The following EPM2A variants were observed in gnomAD, a reference collection of about 807,000 sequenced individuals.
EPM2A encodes laforin.
In EPM2A, 21 loss-of-function variants were observed where a neutral mutation model predicts 26.5. The observed-to-expected ratio is 0.79, with a 90% CI of 0.56 to 1.14. The LOEUF (loss-of-function observed/expected upper bound fraction) is 1.14, where lower values mean the gene tolerates loss of function less well. EPM2A is among the 50% of genes most tolerant of loss of function. EPM2A has a pLI of 0.00. For synonymous variants in EPM2A, 217 were observed against 177.6 expected, an observed-to-expected ratio of 1.22 and a Z score of -1.76; for missense variants, 458 against 440.8, an observed-to-expected ratio of 1.04 and a Z score of -0.35.
intron 2 of EPM2A, among the ~76,000 whole-genome samples, chr6:145,557,944 T>C (rs941089161): frequency 6.6e-6 from 1 of 152,082 alleles, no homozygotes; most frequent in Non-Finnish European, 1.5e-5. Flanking sequence ...TGTTTTTCCA[T>C]AAGTGGTTCC....
Position 145,699,798 on chromosome 6 carries a change from G to A in EPM2A, c.302-13502C>T, listed in dbSNP as rs9497397. Among the ~76,000 whole-genome samples the A allele has an allele frequency of 5.3e-3, 801 of 152,124 alleles. 4 individuals are homozygous for A. The highest frequency in any genetic ancestry group is 0.018 in the African/African-American group (767 of 41,512). On this transcript the variant is annotated intron_variant, in intron 1 of 3. Transcript: ENST00000367519. ...TCTAACCATTACTGTATTTAAGAAG[G>A]CATTTTTTAATGCAAAGCATTTACA... is the stretch of plus-strand genomic sequence containing the variant.
chr6:145,678,520 C>T (rs182234720), intron 2 of EPM2A, among the ~76,000 whole-genome samples: 13 of 152,186 alleles, frequency 8.5e-5, no homozygotes, highest in Admixed American at 6.5e-4. Flanking sequence ...GTGTAATATC[C>T]AGAATCTACA....
intron 4 of EPM2A, among the ~76,000 whole-genome samples, chr6:145,446,591 A>G (rs1009425731): frequency 1.3e-5 from 2 of 152,086 alleles, no homozygotes; most frequent in Admixed American, 1.3e-4. Flanking sequence ...GCTCTTATTC[A>G]TATGACCTAG....
chr6:145,566,769 A>T (rs1780889298), intron 2 of EPM2A, among the ~76,000 whole-genome samples: 1 of 152,320 alleles, frequency 6.6e-6, no homozygotes, highest in Admixed American at 6.5e-5. Context: ...TCACTTTTTT[A>T]AAAGATGGGA....
At chr6:145,661,859 T>A (rs1203602618) in intron 2 of EPM2A, among the ~76,000 whole-genome samples, 1 of 152,208 alleles carries the variant, frequency 6.6e-6, no homozygotes, top group Non-Finnish European at 1.5e-5. Context: ...ATCACTGATC[T>A]CTATCATAAT....
intron 2 of EPM2A, among the ~76,000 whole-genome samples, chr6:145,589,160 G>A (rs73566757): frequency 0.067 from 10,179 of 152,176 alleles, 1,135 homozygotes; most frequent in African/African-American, 0.23. Flanking sequence ...TTCTCTAGAA[G>A]CAGCCCAAGT....
At chr6:145,598,700 G>C (rs1781380209) in intron 2 of EPM2A, among the ~76,000 whole-genome samples, 1 of 152,066 alleles carries the variant, frequency 6.6e-6, no homozygotes, top group South Asian at 2.1e-4. Context: ...GTCCAGGATG[G>C]TATTGCCTAG....
chr6:145,650,160 G>A (rs1002109376), intron 2 of EPM2A, among the ~76,000 whole-genome samples: 2 of 152,102 alleles, frequency 1.3e-5, no homozygotes, highest in African/African-American at 2.4e-5. Context: ...GAAAACAGAA[G>A]GCAACTTGAA....
At chr6:145,611,880 C>T (rs769894073) in intron 2 of EPM2A, among the ~76,000 whole-genome samples, 1 of 152,072 alleles carries the variant, frequency 6.6e-6, no homozygotes, top group Non-Finnish European at 1.5e-5. Flanking sequence ...AAAAACACTT[C>T]TCCATCTGTG....
intron 4 of EPM2A, among the ~76,000 whole-genome samples, chr6:145,442,956 G>T (rs1419602397): frequency 3.3e-5 from 5 of 151,968 alleles, no homozygotes; most frequent in East Asian, 1.9e-4. Flanking sequence ...CGCCTCCTGG[G>T]TTTATGCCAT....
chr6:145,554,422 T>TGATA (rs34637179), intron 2 of EPM2A, among the ~76,000 whole-genome samples: 23,878 of 146,082 alleles, frequency 0.16, 2,046 homozygotes, highest in East Asian at 0.21. Context: ...GATAGATAGA[T>TGATA]GATAGATAGA....
At chr6:145,414,649 A>C (rs535545352) in intron 4 of EPM2A, among the ~76,000 whole-genome samples, 1 of 152,034 alleles carries the variant, frequency 6.6e-6, no homozygotes, top group African/African-American at 2.4e-5. Flanking sequence ...GTCCTGTGTT[A>C]ACATCCTATT....
chr6:145,479,999 C>T (rs1026110655), intron 4 of EPM2A, among the ~76,000 whole-genome samples: 13 of 151,906 alleles, frequency 8.6e-5, no homozygotes, highest in African/African-American at 1.2e-4. Context: ...TTTTCAATTT[C>T]GTAATGATTA....
chr6:145,512,783 T>C (rs1170390667), intron 2 of EPM2A, among the ~76,000 whole-genome samples: 1 of 148,588 alleles, frequency 6.7e-6, no homozygotes, highest in East Asian at 2.0e-4. Flanking sequence ...CCAACTGATC[T>C]TCAATAAAAC....
intron 4 of EPM2A, among the ~76,000 whole-genome samples, chr6:145,494,199 G>A (rs1779790126): frequency 6.6e-6 from 1 of 152,122 alleles, no homozygotes; most frequent in Non-Finnish European, 1.5e-5. Context: ...ATTTCTTCCT[G>A]ACTCAATCTT....
chr6:145,398,837 GT>G (rs112713712), intron 4 of EPM2A, among the ~76,000 whole-genome samples: 37,857 of 145,312 alleles, frequency 0.26, 5,343 homozygotes, highest in Non-Finnish European at 0.33. Flanking sequence ...TCCAGCCTGG[GT>G]GACAGAGTGA....
intron 2 of EPM2A, among the ~76,000 whole-genome samples, chr6:145,534,063 CACTT>C (rs1452349735): frequency 1.8e-4 from 27 of 147,446 alleles, no homozygotes; most frequent in Admixed American, 1.4e-3. Context: ...GTTATGGTTT[CACTT>C]ACTTATTCTC....
intron 2 of EPM2A, among the ~76,000 whole-genome samples, chr6:145,676,605 C>T (rs1342881579): frequency 1.3e-5 from 2 of 151,892 alleles, no homozygotes; most frequent in Non-Finnish European, 2.9e-5. Context: ...ATATCACCAC[C>T]GATCCCAAAA....
chr6:145,413,472 A>C (rs1778669540), intron 4 of EPM2A, among the ~76,000 whole-genome samples: 1 of 152,190 alleles, frequency 6.6e-6, no homozygotes, highest in Non-Finnish European at 1.5e-5. Context: ...GTGCTAATAG[A>C]ATCTTAATAG....
Sources: allele counts gnomAD v4.1 joint callset (sites outside exome capture counted in the v4.1 genomes callset), GRCh38; gene constraint gnomAD v4.1.1; transcripts MANE v1.5; gene names NCBI Gene and HGNC (gene_info 2026-07-23, HGNC 2026-07-21).